The following ZC3HAV1 variants were observed in gnomAD, a reference collection of about 807,000 sequenced individuals.
ZC3HAV1 encodes the protein zinc finger CCCH-type antiviral protein 1.
Under a neutral mutation model 86.6 loss-of-function variants are expected in ZC3HAV1, and 41 were observed. The observed-to-expected ratio is 0.47, with a 90% CI of 0.37 to 0.61. The LOEUF (loss-of-function observed/expected upper bound fraction) is 0.61. Among genes scored for constraint, ZC3HAV1 ranks in the 20% least tolerant of loss-of-function variants. ZC3HAV1 has a pLI of 0.00. For synonymous variants in ZC3HAV1, 421 were observed against 432.1 expected (o/e 0.97, Z 0.32); for missense variants, 964 against 1,141.1 (o/e 0.84, Z 2.24).
In ZC3HAV1 at chr7:139,078,476, A is replaced by G. The variant is rs560837487; in HGVS notation, c.1573+76T>C. The stretch of plus-strand genomic sequence containing the variant: ...AGCAGGGTTTTCAGAAGGCATTTGC[A>G]CACCCATGTTCATAGCAGTGTTATT... On this transcript the variant is annotated intron_variant, in intron 5 of 12. Transcript: ENST00000242351. 3.7e-6 allele frequency: 4 copies of G among 1,092,830 alleles called. No individual in the cohort carries two copies. In the Admixed American group the frequency reaches 1.0e-4, roughly 28 times the overall value. 67.7% of individuals were successfully genotyped at this position (1,092,830 alleles called of 1,614,324 possible).
In ZC3HAV1 at chr7:139,079,518, T is replaced by G. The variant is rs1163684849; in HGVS notation, c.1423A>C (p.Thr475Pro). The G allele has an allele frequency of 6.2e-7, 1 of 1,614,114 alleles. No individual in the cohort carries two copies. The highest frequency in any genetic ancestry group is 1.3e-5 in the African/African-American group (1 of 74,942). The change falls in exon 4 of 13, where the codon ACT becomes CCT. Residue 475 changes from threonine to proline, a missense_variant. Transcript: ENST00000242351. ...TCAGCATCATCTGCGATTCTGCCAGTGGCCTGGACATCTCGGGAAGCAGGT... is the reference window on the plus strand; with the variant it reads ...TCAGCATCATCTGCGATTCTGCCAGGGGCCTGGACATCTCGGGAAGCAGGT... ...AGPASRDVQA[T>P]GRIADDADPR...
At position 139,055,280 on chromosome 7, in the gene ZC3HAV1, C is replaced by G. The variant is rs199696836; in HGVS notation, c.2112G>C (p.Lys704Asn). ...TCGCAGTTAAAGACACTGACGAGGT[C>G]TTTGCTGGCTGATGGCTACAAATAA... ...MKRGPDHQPA[K>N]TSSVSLTATF... Residue 704 changes from lysine (K) to asparagine (N), a missense_variant, in exon 10 of 13, where the codon AAG (lysine) becomes AAC (asparagine). Lys to Asn is a moderately conservative substitution (Grantham distance 94). Coordinates refer to ENST00000242351, the MANE Select transcript of ZC3HAV1 (RefSeq NM_020119.4). The G allele has an allele frequency of 2.9e-4, 469 of 1,612,886 alleles. 3 individuals are homozygous for G. In the South Asian group the frequency reaches 3.5e-3, roughly 12 times the overall value.
chr7:139,104,967 A>C (rs958088337), intron 1 of ZC3HAV1, among the ~76,000 whole-genome samples: 2 of 137,302 alleles, frequency 1.5e-5, no homozygotes, highest in African/African-American at 5.5e-5. Context: ...GGGGAGGCGG[A>C]GGTTGCAGCG....
chr7:139,064,352 G>A (rs560329383), intron 8 of ZC3HAV1, among the ~76,000 whole-genome samples: 4 of 152,342 alleles, frequency 2.6e-5, no homozygotes, highest in African/African-American at 9.6e-5. Flanking sequence ...GTAGATTGGC[G>A]GCAGCTCACC....
In ZC3HAV1 at chr7:139,062,450, G is replaced by A. The variant is rs528442037; in HGVS notation, c.1994-1312C>T. 4.6e-5 allele frequency among the ~76,000 whole-genome samples: 7 copies of A among 152,334 alleles called. No individual in the cohort carries two copies. In the South Asian group the frequency reaches 1.5e-3, roughly 32 times the overall value. Reference sequence around the variant, plus strand: ...AGCGCCCTCCTTCCCACAGGCAGAGGCTGGTCTATAAAAGTAAGTGCTGTC... The same window carrying A: ...AGCGCCCTCCTTCCCACAGGCAGAGACTGGTCTATAAAAGTAAGTGCTGTC... On this transcript the variant is annotated intron_variant, in intron 8 of 12. Transcript: ENST00000242351.
chr7:139,104,614 G>A (rs943846413), intron 1 of ZC3HAV1, among the ~76,000 whole-genome samples: 13 of 150,714 alleles, frequency 8.6e-5, no homozygotes, highest in Non-Finnish European at 1.5e-4. Context: ...TCCCAGCTAC[G>A]CGGGAGGCTG....
At chr7:139,073,159 G>C (rs1387293267) in intron 7 of ZC3HAV1, among the ~76,000 whole-genome samples, 1 of 151,998 alleles carries the variant, frequency 6.6e-6, no homozygotes, top group African/African-American at 2.4e-5. Context: ...AGCTGGGTGT[G>C]GTGGTGGTGC....
At chr7:139,105,898 T>C (rs1817921644) in intron 1 of ZC3HAV1, among the ~76,000 whole-genome samples, 1 of 152,148 alleles carries the variant, frequency 6.6e-6, no homozygotes, top group African/African-American at 2.4e-5. Flanking sequence ...AAAACATGTT[T>C]TCTAGGACCC....
intron 7 of ZC3HAV1, among the ~76,000 whole-genome samples, chr7:139,073,239 C>T (rs1755816920): frequency 6.6e-6 from 1 of 151,850 alleles, no homozygotes; most frequent in African/African-American, 2.4e-5. Flanking sequence ...ATGGAGGTTG[C>T]AGTGAGCCAA....
At chr7:139,102,728 TACACACACACACACACAC>T (rs113108708) in intron 1 of ZC3HAV1, among the ~76,000 whole-genome samples, 31,129 of 139,348 alleles carry the variant, frequency 0.22, 3,549 homozygotes, top group East Asian at 0.42. Flanking sequence ...ACTGTCTCTA[TACACACACACACACACAC>T]ACACACACAC....
intron 1 of ZC3HAV1, among the ~76,000 whole-genome samples, chr7:139,090,948 A>G (rs1817411337): frequency 6.6e-6 from 1 of 152,142 alleles, no homozygotes; most frequent in Non-Finnish European, 1.5e-5. Context: ...AGTCAAGGCC[A>G]GTCACTCAGG....
chr7:139,077,178 G>A (rs1418115084), intron 5 of ZC3HAV1, among the ~76,000 whole-genome samples: 1 of 152,046 alleles, frequency 6.6e-6, no homozygotes, highest in African/African-American at 2.4e-5. Context: ...GTCAGTTGGG[G>A]GTTAATTTTT....
At chr7:139,079,078 G>GTCT (rs1817042719) in intron 4 of ZC3HAV1, 2 of 1,535,024 alleles carry the variant, frequency 1.3e-6, no homozygotes, top group Non-Finnish European at 1.7e-6. Context: ...AAGACACAGA[G>GTCT]GCCCCTTTGT....
chr7:139,099,541 G>C (rs755943495), intron 1 of ZC3HAV1, among the ~76,000 whole-genome samples: 19 of 152,234 alleles, frequency 1.2e-4, no homozygotes, highest in Non-Finnish European at 2.6e-4. Context: ...GGAAAGGGGA[G>C]AATGAGGACT....
rs34310632 is a variant in ZC3HAV1 at position 139,056,217 on chromosome 7, C to A, written c.2097-922G>T. On this transcript the variant is annotated intron_variant, in intron 9 of 12. Transcript: ENST00000242351. ...CCAGGCTGAAGTACAGTGGTGTGAT[C>A]ATGGCTCACTATATCCTCAACCTCC... is the stretch of plus-strand genomic sequence containing the variant. Among the ~76,000 whole-genome samples the A allele has an allele frequency of 9.6e-3, 1,465 of 152,178 alleles. 49 individuals are homozygous for A. The South Asian group carries it at 0.12, about 12-fold the overall frequency.
intron 5 of ZC3HAV1, among the ~76,000 whole-genome samples, chr7:139,077,001 C>T (rs191789229): frequency 7.4e-6 from 1 of 135,878 alleles, no homozygotes; most frequent in Non-Finnish European, 1.5e-5. Context: ...CCTTTCTGCA[C>T]CCCCCCAAGT....
chr7:139,068,306 C>T (rs1346435267), intron 7 of ZC3HAV1, among the ~76,000 whole-genome samples: 2 of 151,834 alleles, frequency 1.3e-5, no homozygotes, highest in African/African-American at 2.4e-5. Flanking sequence ...GTGATCTGCC[C>T]GCCTCAGCCT....
At chr7:139,077,936 C>T (rs1291350848) in intron 5 of ZC3HAV1, among the ~76,000 whole-genome samples, 1 of 152,096 alleles carries the variant, frequency 6.6e-6, no homozygotes, top group Admixed American at 6.6e-5. Flanking sequence ...GTTAGAATGG[C>T]TGCTATCAAA....
Position 139,053,453 on chromosome 7 carries a change from T to C in ZC3HAV1, c.2447A>G (p.Lys816Arg), listed in dbSNP as rs1479352557. 1.3e-6 allele frequency: 2 copies of C among 1,589,118 alleles called. No individual in the cohort carries two copies. Among genetic ancestry groups the C allele is most frequent in the African/African-American group, 1.4e-5 (1 of 73,612 alleles). The change falls in exon 12 of 13, where the codon AAA becomes AGA. Residue 816 changes from lysine to arginine, a missense_variant and splice_region_variant. Physicochemically the swap from Lys to Arg is conservative, Grantham distance 26 (BLOSUM62 2). Coordinates refer to ENST00000242351, the MANE Select transcript of ZC3HAV1 (RefSeq NM_020119.4). The stretch of plus-strand genomic sequence containing the variant: ...CGCTTCTCTATCCCGGCACTAACCT[T>C]TTCCGTATTTGTTTTCATGAGTTTC... ...LHETHENKYG[K>R]GIYFAKDAIY...
Sources: gnomAD v4.1 joint callset for allele counts (sites outside exome capture counted in the v4.1 genomes callset) on GRCh38, gnomAD v4.1.1 for gene constraint, MANE v1.5 for transcripts, NCBI Gene and HGNC (gene_info 2026-07-23, HGNC 2026-07-21) for gene names.